Variants in CHAF1A observed in about 807,000 individuals in gnomAD.
CHAF1A encodes chromatin assembly factor 1 subunit A, also known as CAF-1 subunit A.
A neutral mutation model predicts 93.2 loss-of-function variants in CHAF1A; 5 were observed. The ratio of observed to expected loss-of-function variants is 0.05; its 90% CI spans 0.03 to 0.11. The LOEUF (loss-of-function observed/expected upper bound fraction) is 0.11, where lower values mean the gene tolerates loss of function less well. CHAF1A is among the 10% of genes least tolerant of loss of function. The pLI is 1.00. For synonymous variants in CHAF1A, 504 were observed against 510.3 expected, an observed-to-expected ratio of 0.99 and a Z score of 0.17; for missense variants, 1,102 against 1,259.9, an observed-to-expected ratio of 0.87 and a Z score of 1.90.
the CHAF1A span, chr19:4,450,231 A>G: frequency 4.0e-5 from 6 of 151,842 alleles, no homozygotes; most frequent in East Asian, 1.2e-3. Context: ...CAAAAAAAAA[A>G]AAAAAAAAAG....
downstream of CHAF1A, chr19:4,446,907 C>G: frequency 1.9e-6 from 3 of 1,613,898 alleles, no homozygotes; most frequent in African/African-American, 4.0e-5. Context: ...CCCTTCCAGG[C>G]AGTTAATGCG....
chr19:4,445,584 C>T (rs200555890), downstream of CHAF1A: 201 of 1,613,752 alleles, frequency 1.2e-4, no homozygotes, highest in Non-Finnish European at 1.5e-4. Context: ...TCCTCCAGCA[C>T]AGCCATGTCC....
At chr19:4,444,098 AG>A (rs1974450530), downstream of CHAF1A, among the ~76,000 whole-genome samples, 1 of 152,156 alleles carries the variant, frequency 6.6e-6, no homozygotes, top group African/African-American at 2.4e-5. Flanking sequence ...TGAGCTTTAC[AG>A]GGGCTCCCGA....
chr19:4,448,462 G>T, downstream of CHAF1A: 1 of 1,493,902 alleles, frequency 6.7e-7, no homozygotes, highest in Non-Finnish European at 9.2e-7. Context: ...AGCCCGGGCC[G>T]CACGGCCCTC....
rs756004532 is a variant in CHAF1A at position 4,433,197 on chromosome 19, C to T, written c.2331C>T (p.Ser777=). The change falls in exon 13 of 15, where the codon TCC becomes TCT. Residue 777 remains serine (S), a synonymous_variant. Coordinates refer to ENST00000301280, the MANE Select transcript of CHAF1A (RefSeq NM_005483.3). The surrounding 1 kb of genome is among the most constrained non-coding windows in gnomAD (Gnocchi z 5.6). ...ACACCGGCAGCCCGCGGAGCCCCTC[C>T]ACCACCTACCTGCACACCCCCACCC... is the stretch of plus-strand genomic sequence containing the variant. ...SNHTGSPRSP[S]TTYLHTPTPS... is the part of the protein sequence containing the mutation. 10 of 1,613,732 alleles carry T rather than the reference C, an allele frequency of 6.2e-6. No homozygotes were observed. The highest frequency in any genetic ancestry group is 1.3e-5 in the African/African-American group (1 of 74,742).
downstream of CHAF1A, chr19:4,448,255 C>T (rs1041641237): frequency 2.8e-6 from 4 of 1,445,100 alleles, no homozygotes; most frequent in Non-Finnish European, 1.9e-6. Flanking sequence ...GTGACAGCCC[C>T]AGTGGGAGGG....
chr19:4,431,078 G>A, intron 11 of CHAF1A: 1 of 162,088 alleles, frequency 6.2e-6, no homozygotes, highest in South Asian at 1.5e-4. Flanking sequence ...GTCTCTGCAG[G>A]CGAACCTGCC....
In CHAF1A at chr19:4,418,011, T is replaced by C; in HGVS notation, c.961-9T>C. 6.3e-7 allele frequency: 1 copy of C among 1,596,342 alleles called. No homozygotes were observed. The highest frequency in any genetic ancestry group is 8.6e-7 in the Non-Finnish European group (1 of 1,169,068). On this transcript the variant is annotated splice_polypyrimidine_tract_variant and intron_variant, in intron 3 of 14. Transcript: ENST00000301280. ...CCCGTGTTTAAAGATAAACGTCTTC[T>C]GTTTTCAGATAACTAAGAAATTCGT... is the stretch of plus-strand genomic sequence containing the variant.
chr19:4,448,590 A>G, downstream of CHAF1A: 1 of 624,230 alleles, frequency 1.6e-6, no homozygotes, highest in Non-Finnish European at 2.8e-6. Context: ...AGCCCTGCCC[A>G]CGCCCCAGGG....
At position 4,412,871 on chromosome 19, in the gene CHAF1A, C is replaced by A. The variant is rs1455943565; in HGVS notation, c.960+3112C>A. 2.0e-5 allele frequency among the ~76,000 whole-genome samples: 3 copies of A among 152,330 alleles called. No homozygotes were observed. In the East Asian group the frequency reaches 5.8e-4, roughly 29 times the overall value. On this transcript the variant is annotated intron_variant, in intron 3 of 14. Transcript: ENST00000301280. ...TATGGCAGAAAGCGGCCACAACCAC[C>A]CGCAGAGGGCCTGTCAGTCACCGAA...
chr19:4,414,409 AAAC>A (rs1309168097), intron 3 of CHAF1A, among the ~76,000 whole-genome samples: 2 of 151,778 alleles, frequency 1.3e-5, no homozygotes, highest in African/African-American at 4.8e-5. Flanking sequence ...AAAAAAAAAA[AAAC>A]AAAAAGGAAA....
At chr19:4,431,390 G>C (rs1245878903) in intron 11 of CHAF1A, among the ~76,000 whole-genome samples, 2 of 152,102 alleles carry the variant, frequency 1.3e-5, no homozygotes, top group East Asian at 3.9e-4. Flanking sequence ...CGGCCTCCCA[G>C]AGTGCTGGGA....
At chr19:4,447,319 G>A (rs1260779555), downstream of CHAF1A, 1 of 584,174 alleles carries the variant, frequency 1.7e-6, no homozygotes, top group East Asian at 2.9e-5. Flanking sequence ...GGAGGAAAAG[G>A]ATGCAGGTGA....
chr19:4,445,655 C>G (rs773811236), downstream of CHAF1A: 6 of 1,597,528 alleles, frequency 3.8e-6, no homozygotes, highest in African/African-American at 8.0e-5. Flanking sequence ...ACTCTGAGAC[C>G]GAGAGTCGGC....
downstream of CHAF1A, chr19:4,446,436 G>C (rs748110180): frequency 2.5e-6 from 4 of 1,579,116 alleles, no homozygotes; most frequent in Non-Finnish European, 3.4e-6. Flanking sequence ...GCCAGGTCAC[G>C]AGGGCTGGCC....
intron 4 of CHAF1A, 113 bp downstream of exon 4, chr19:4,418,189 C>A: frequency 1.6e-6 from 1 of 642,178 alleles, no homozygotes; most frequent in Non-Finnish European, 2.7e-6. Context: ...CCCCAGCCTT[C>A]TCTGACCATC....
At chr19:4,447,933 T>A (rs978551742), downstream of CHAF1A, 90 of 496,334 alleles carry the variant, frequency 1.8e-4, no homozygotes, top group Non-Finnish European at 2.5e-4. Flanking sequence ...GAGCCAGAGC[T>A]GAAGGGCCGC....
chr19:4,448,534 C>T (rs953553552), downstream of CHAF1A: 27 of 791,256 alleles, frequency 3.4e-5, no homozygotes, highest in Admixed American at 5.6e-4. Flanking sequence ...GCGGCCCCAG[C>T]TGTGCGCTCA....
At position 4,429,595 on chromosome 19, in the gene CHAF1A, G is replaced by A. The variant is rs1568438575; in HGVS notation, c.1762G>A (p.Ala588Thr). Reference protein sequence around the residue: ...TALIRARDPWAQDTKLLDYEV... With the variant: ...TALIRARDPWTQDTKLLDYEV... ...ACTCATCCGCGCGCGAGACCCCTGG[G>A]CCCAGGACACGGTGAGCTAGCCCCA... The change falls in exon 9 of 15, where the codon GCC (alanine) becomes ACC (threonine). Residue 588 changes from alanine (A) to threonine (T), a missense_variant. Around this residue, in one of 6 missense-constraint regions of CHAF1A, gnomAD observed 335 missense variants for 361.9 expected, o/e 0.93. Transcript: ENST00000301280. 1 of 1,614,100 alleles carries A rather than the reference G, an allele frequency of 6.2e-7. No individual in the cohort carries two copies. Among genetic ancestry groups the A allele is most frequent in the African/African-American group, 1.3e-5 (1 of 75,016 alleles).
Sources: gnomAD v4.1 joint callset for allele counts (sites outside exome capture counted in the v4.1 genomes callset) on GRCh38, gnomAD v4.1.1 for gene constraint, gnomAD v4.1.1 regional missense constraint, Gnocchi (gnomAD v3.1) non-coding constraint, MANE v1.5 for transcripts, NCBI Gene and HGNC (gene_info 2026-07-23, HGNC 2026-07-21) for gene names.